CDKL1: variants seen among roughly 807,000 people sequenced by gnomAD.
CDKL1 encodes the protein cyclin dependent kinase like 1.
Under a neutral mutation model 42.0 loss-of-function variants are expected in CDKL1, and 41 were observed. The observed-to-expected ratio is 0.98, with a 90% CI of 0.76 to 1.27. The LOEUF is 1.27. Among genes scored for constraint, CDKL1 ranks in the 50% most tolerant of loss-of-function variants. CDKL1 has a pLI of 0.00. For missense variants in CDKL1, 394 were observed against 428.4 expected, an observed-to-expected ratio of 0.92 and a Z score of 0.71; for synonymous variants, 153 against 158.6, an observed-to-expected ratio of 0.96 and a Z score of 0.26.
chr14:50,327,542 T>C lies in CDKL1; in HGVS notation c.*2532A>G, dbSNP rs2032755580. 1 of 144,096 alleles carries C rather than the reference T, an allele frequency of 6.9e-6. No individual in the cohort carries two copies. The highest frequency in any genetic ancestry group is 1.5e-5 in the Non-Finnish European group (1 of 66,490). 8.9% of individuals were successfully genotyped at this position (144,096 alleles called of 1,614,324 possible). On this transcript the variant is annotated 3_prime_UTR_variant, in exon 10 of 10. Transcript: ENST00000395834. ...GTGCAGTGGTGTGATCTCAGTTCAC[T>C]GCAACCTCTGCCTCCCGGGTTCAAG...
intron 4 of CDKL1, among the ~76,000 whole-genome samples, chr14:50,343,781 TA>T (rs1250746994): frequency 6.6e-6 from 1 of 152,162 alleles, no homozygotes; most frequent in African/African-American, 2.4e-5. Flanking sequence ...TCCCCCATCC[TA>T]AAACCTGCTC....
At chr14:50,387,348 C>A (rs888070098) in intron 2 of CDKL1, among the ~76,000 whole-genome samples, 10 of 152,090 alleles carry the variant, frequency 6.6e-5, no homozygotes, top group Admixed American at 5.9e-4. Flanking sequence ...ATGGTGAAAC[C>A]CCGTCTCTAC....
chr14:50,365,633 G>A (rs1038719967), intron 2 of CDKL1, among the ~76,000 whole-genome samples: 5 of 152,122 alleles, frequency 3.3e-5, no homozygotes, highest in Non-Finnish European at 7.3e-5. Flanking sequence ...TATCCCTAGA[G>A]CCCTGTGATA....
At chr14:50,390,337 C>T (rs1475488375) in intron 2 of CDKL1, 1 of 1,366,500 alleles carries the variant, frequency 7.3e-7, no homozygotes, top group Non-Finnish European at 9.8e-7. Flanking sequence ...TCCTTGACCT[C>T]CAACTCCGCT....
At chr14:50,380,630 C>G (rs1387970761) in intron 2 of CDKL1, among the ~76,000 whole-genome samples, 1 of 152,126 alleles carries the variant, frequency 6.6e-6, no homozygotes. Flanking sequence ...TCATGCTGCT[C>G]CACTGTATTG....
rs2033171437 is a variant in CDKL1, at chr14:50,334,918, C to CA, written c.739-298dup. ...ACTAATGAAAAAAAACTTTTCTGAG[C>CA]AGTTTTTTTTTTGAGGGGGTGGGGG... On this transcript the variant is annotated intron_variant, in intron 7 of 9. Coordinates refer to ENST00000395834, the MANE Select transcript of CDKL1 (RefSeq NM_004196.7). 3.7e-5 allele frequency: 6 copies of CA among 162,848 alleles called. No homozygotes were observed. In the South Asian group the frequency reaches 3.8e-4, roughly 10 times the overall value. 10.1% of individuals were successfully genotyped at this position (162,848 alleles called of 1,614,324 possible). A position where few individuals can be genotyped will look rare whatever the true frequency, so the allele number is the denominator to read the frequency against.
intron 7 of CDKL1, chr14:50,336,159 C>T (rs773323927): frequency 3.7e-6 from 5 of 1,364,150 alleles, no homozygotes; most frequent in East Asian, 4.6e-5. Flanking sequence ...CATCTGTGAG[C>T]GTTTCACAGC....
At position 50,395,760 on chromosome 14, in the gene CDKL1, C is replaced by T. The variant is rs1302497923; in HGVS notation, c.109G>A (p.Glu37Lys). 2.5e-6 allele frequency: 4 copies of T among 1,613,892 alleles called. No individual in the cohort carries two copies. Among genetic ancestry groups the T allele is most frequent in the Non-Finnish European group, 3.4e-6 (4 of 1,179,854 alleles). The change falls in exon 2 of 10, where the codon GAA becomes AAA. Residue 37 changes from glutamate (E) to lysine (K), a missense_variant. Coordinates refer to ENST00000395834, the MANE Select transcript of CDKL1 (RefSeq NM_004196.7). Reference sequence around the variant, plus strand: ...TTTATGACAGGGTCATCTTCTGATTCCAGAAACTTCTTGATGGCCACAATC... The same window carrying T: ...TTTATGACAGGGTCATCTTCTGATTTCAGAAACTTCTTGATGGCCACAATC... ...GQIVAIKKFL[E>K]SEDDPVIKKI...
At chr14:50,396,715 G>C (rs1300398093) in intron 1 of CDKL1, 109 bp downstream of exon 1, 1 of 155,762 alleles carries the variant, frequency 6.4e-6, no homozygotes, top group Non-Finnish European at 1.4e-5. Flanking sequence ...CCGGGACTGG[G>C]AAAACCCTCC....
intron 3 of CDKL1, among the ~76,000 whole-genome samples, chr14:50,355,733 G>T (rs2034035451): frequency 6.6e-6 from 1 of 152,208 alleles, no homozygotes; most frequent in Non-Finnish European, 1.5e-5. Context: ...AGAGGCCAGG[G>T]TGCTGGCAGG....
At chr14:50,341,376 C>A in intron 5 of CDKL1, 144 bp from the exon 6 acceptor site, 1 of 1,056,512 alleles carries the variant, frequency 9.5e-7, no homozygotes, top group Non-Finnish European at 1.2e-6. Context: ...ACATTCAAAT[C>A]ACTTAAATAA....
At chr14:50,388,354 T>TTAA (rs1158637848) in intron 2 of CDKL1, among the ~76,000 whole-genome samples, 2 of 152,228 alleles carry the variant, frequency 1.3e-5, no homozygotes, top group Non-Finnish European at 2.9e-5. Context: ...AGTTAAGCAC[T>TTAA]TAATAAATGC....
At chr14:50,333,573 A>G (rs1352490074) in intron 8 of CDKL1, 2 of 152,184 alleles carry the variant, frequency 1.3e-5, no homozygotes, top group African/African-American at 2.4e-5. Context: ...CTGTAAGTAT[A>G]CTCAGTTGAG....
chr14:50,362,968 C>T (rs1229713438), intron 2 of CDKL1: 2 of 465,968 alleles, frequency 4.3e-6, no homozygotes. Flanking sequence ...CGCTTTGGGT[C>T]CGCACTGCTG....
At chr14:50,369,763 CA>C (rs2034539282) in intron 2 of CDKL1, among the ~76,000 whole-genome samples, 1 of 150,652 alleles carries the variant, frequency 6.6e-6, no homozygotes, top group Non-Finnish European at 1.5e-5. Flanking sequence ...GGATTACAGG[CA>C]CCAGCCACCA....
At chr14:50,392,233 G>T (rs560346468) in intron 2 of CDKL1, among the ~76,000 whole-genome samples, 14 of 152,246 alleles carry the variant, frequency 9.2e-5, no homozygotes, top group African/African-American at 2.9e-4. Context: ...GTCATTTGAG[G>T]TCAGGAGTTT....
In CDKL1 at chr14:50,332,458, C is replaced by T. The variant is rs1230822924; in HGVS notation, c.796-26G>A. ...CTAAAAGAACAGAAAATTCCTTCTTCTTACTTCTTCAAAATTGTATTAACT... is the reference window on the plus strand; with the variant it reads ...CTAAAAGAACAGAAAATTCCTTCTTTTTACTTCTTCAAAATTGTATTAACT... On this transcript the variant is annotated intron_variant, in intron 8 of 9. Transcript: ENST00000395834. 5.7e-6 allele frequency: 9 copies of T among 1,573,786 alleles called. No individual in the cohort carries two copies. The East Asian group carries it at 2.0e-4, about 35-fold the overall frequency.
At chr14:50,390,069 A>G (rs1177547700) in intron 2 of CDKL1, 2 of 901,714 alleles carry the variant, frequency 2.2e-6, no homozygotes, top group African/African-American at 3.4e-5. Context: ...TAATTTGTGC[A>G]TCCTAAGTAA....
chr14:50,356,695 G>A (rs192426266), intron 3 of CDKL1, among the ~76,000 whole-genome samples: 3 of 152,272 alleles, frequency 2.0e-5, no homozygotes, highest in Admixed American at 6.5e-5. Flanking sequence ...ATTTCCTTAA[G>A]TAAATCTTAT....
Sources: gnomAD v4.1 joint callset for allele counts (sites outside exome capture counted in the v4.1 genomes callset) on GRCh38, gnomAD v4.1.1 for gene constraint, MANE v1.5 for transcripts, NCBI Gene and HGNC (gene_info 2026-07-23, HGNC 2026-07-21) for gene names.